The following PIGL variants were observed in gnomAD, a reference collection of about 807,000 sequenced individuals.
The protein encoded by PIGL is phosphatidylinositol glycan anchor biosynthesis class L, also known as N-acetylglucosaminyl-phosphatidylinositol de-N-acetylase.
In PIGL, 22 loss-of-function variants were observed where a neutral mutation model predicts 31.1. The ratio of observed to expected loss-of-function variants is 0.71; its 90% CI spans 0.51 to 1.01. PIGL has a LOEUF of 1.01. PIGL is among the 50% of genes least tolerant of loss of function. The pLI, the probability that PIGL is intolerant of heterozygous loss-of-function variation, is 0.00. For missense variants in PIGL, 302 were observed against 315.9 expected (o/e 0.96, Z 0.33); for synonymous variants, 131 against 117.4 (o/e 1.12, Z -0.75).
chr17:16,226,060 A>G (rs1246213607), intron 1 of PIGL, among the ~76,000 whole-genome samples: 2 of 151,988 alleles, frequency 1.3e-5, no homozygotes. Flanking sequence ...AGTCTCAGCT[A>G]CTTGGGAGGC....
chr17:16,317,732 G>A (rs1244285793), intron 5 of PIGL, 43 bp from the exon 6 acceptor site: 2 of 1,610,398 alleles, frequency 1.2e-6, no homozygotes, highest in African/African-American at 1.3e-5. Flanking sequence ...TCTGGCTGGA[G>A]GCCTCAAGGC....
intron 2 of PIGL, among the ~76,000 whole-genome samples, chr17:16,293,791 T>C (rs193212421): frequency 2.4e-4 from 37 of 152,362 alleles, no homozygotes; most frequent in Middle Eastern, 3.4e-3. Flanking sequence ...GGCCTAGTCT[T>C]ATATTTTAAG....
chr17:16,282,981 G>A (rs528466462), intron 2 of PIGL, among the ~76,000 whole-genome samples: 3 of 151,252 alleles, frequency 2.0e-5, no homozygotes, highest in East Asian at 2.0e-4. Context: ...GCAACATGGC[G>A]AGACCCCATG....
At chr17:16,246,483 G>A (rs928250883) in intron 2 of PIGL, among the ~76,000 whole-genome samples, 1 of 151,072 alleles carries the variant, frequency 6.6e-6, no homozygotes, top group Non-Finnish European at 1.5e-5. Context: ...CTGCACTCTA[G>A]CCTGGCAACA....
intron 1 of PIGL, among the ~76,000 whole-genome samples, chr17:16,223,410 C>T (rs906562545): frequency 1.2e-4 from 18 of 151,962 alleles, no homozygotes; most frequent in African/African-American, 4.4e-4. Flanking sequence ...AACCCCATCT[C>T]TACTAAAAAT....
intron 3 of PIGL, among the ~76,000 whole-genome samples, chr17:16,306,073 C>T (rs1392228842): frequency 1.3e-5 from 2 of 152,166 alleles, no homozygotes; most frequent in African/African-American, 4.8e-5. Flanking sequence ...CTCAGCCTCC[C>T]GAGTAGCTGG....
chr17:16,322,253 C>A (rs1400737367), intron 6 of PIGL, among the ~76,000 whole-genome samples: 3 of 151,988 alleles, frequency 2.0e-5, no homozygotes, highest in African/African-American at 7.3e-5. Context: ...GCCACTTCGC[C>A]CGGCTAATTT....
intron 1 of PIGL, among the ~76,000 whole-genome samples, chr17:16,233,355 A>G (rs2092686666): frequency 6.6e-6 from 1 of 152,182 alleles, no homozygotes. Context: ...AATATAGTAT[A>G]TGTTTTGGGA....
chr17:16,272,372 T>A (rs1166563609), intron 2 of PIGL, among the ~76,000 whole-genome samples: 1 of 152,218 alleles, frequency 6.6e-6, no homozygotes, highest in Non-Finnish European at 1.5e-5. Flanking sequence ...AGTCATAGCA[T>A]GCCTTCCTGG....
intron 3 of PIGL, among the ~76,000 whole-genome samples, chr17:16,311,503 G>A (rs1450224423): frequency 2.3e-5 from 2 of 86,776 alleles, no homozygotes; most frequent in Non-Finnish European, 4.7e-5. Context: ...GGTGTTTCTC[G>A]AAGAGGGGGA....
At chr17:16,310,077 CAAAAA>C (rs58352380) in intron 3 of PIGL, among the ~76,000 whole-genome samples, 1 of 88,780 alleles carries the variant, frequency 1.1e-5, no homozygotes, top group Non-Finnish European at 2.2e-5. Context: ...GACTCCATCT[CAAAAA>C]AAAAAAAAAA....
intron 6 of PIGL, among the ~76,000 whole-genome samples, chr17:16,318,724 G>T (rs1419100341): frequency 6.6e-6 from 1 of 151,194 alleles, no homozygotes; most frequent in Non-Finnish European, 1.5e-5. Context: ...CGAGGTCAGG[G>T]GTTCAAGACC....
At chr17:16,261,634 A>C (rs2092819672) in intron 2 of PIGL, among the ~76,000 whole-genome samples, 2 of 152,210 alleles carry the variant, frequency 1.3e-5, no homozygotes, top group South Asian at 4.2e-4. Flanking sequence ...GGCAGAGAGA[A>C]TAATAATACA....
intron 2 of PIGL, among the ~76,000 whole-genome samples, chr17:16,247,683 G>T (rs1408809739): frequency 6.6e-6 from 1 of 152,160 alleles, no homozygotes; most frequent in African/African-American, 2.4e-5. Context: ...CTTGAAGGAC[G>T]ACGCATGTTT....
At chr17:16,236,635 T>C (rs2092700647) in intron 2 of PIGL, among the ~76,000 whole-genome samples, 1 of 152,178 alleles carries the variant, frequency 6.6e-6, no homozygotes, top group African/African-American at 2.4e-5. Context: ...TGGTGCGATC[T>C]TGGCTCACTG....
rs751347067 is a variant in PIGL, at chr17:16,325,868, C to T, written c.729C>T (p.Tyr243=). The change falls in exon 7 of 7, where the codon TAC becomes TAT. Residue 243 remains tyrosine, a synonymous_variant. Transcript: ENST00000225609. ...GCCTCTACATTATCTTCTCCCGGTA[C>T]ATGAGAATCAACTCACTGAGCTTCC... The part of the protein sequence containing the change: ...FRRLYIIFSR[Y]MRINSLSFL 55 of 1,613,700 alleles carry T rather than the reference C, an allele frequency of 3.4e-5. No homozygotes were observed. The highest frequency in any genetic ancestry group is 4.3e-5 in the Non-Finnish European group (51 of 1,179,712).
chr17:16,291,491 A>G (rs1172137645), intron 2 of PIGL, among the ~76,000 whole-genome samples: 2 of 142,486 alleles, frequency 1.4e-5, no homozygotes, highest in Non-Finnish European at 3.0e-5. Flanking sequence ...TGGGCAACAG[A>G]GCGAGACTCT....
rs756875086 is a variant in PIGL, at chr17:16,217,491, C to G, written c.235+30C>G. On this transcript the variant is annotated intron_variant, in intron 1 of 6. Transcript: ENST00000225609. ...GAGGCCATAGGAGGGGCGATGGGAG[C>G]CGGGGCTTTGAAAGGGATTTAAGTG... 4.5e-6 allele frequency: 7 copies of G among 1,555,532 alleles called. No homozygotes were observed. The Admixed American group carries it at 8.4e-5, about 19-fold the overall frequency.
chr17:16,274,861 G>A (rs541331447), intron 2 of PIGL, among the ~76,000 whole-genome samples: 78 of 151,896 alleles, frequency 5.1e-4, no homozygotes, highest in Non-Finnish European at 6.9e-4. Flanking sequence ...GCAAAACCCC[G>A]TCTCTACTAA....
Sources: allele counts gnomAD v4.1 joint callset (sites outside exome capture counted in the v4.1 genomes callset), GRCh38; gene constraint gnomAD v4.1.1; transcripts MANE v1.5; gene names NCBI Gene and HGNC (gene_info 2026-07-23, HGNC 2026-07-21).